BTBD7: variants seen among roughly 807,000 people sequenced by gnomAD.
BTBD7 encodes the protein BTB/POZ domain-containing protein 7.
BTBD7 carries 38 observed loss-of-function variants against 99.9 expected under a neutral mutation model. The ratio of observed to expected loss-of-function variants is 0.38; its 90% CI spans 0.29 to 0.50. The LOEUF is 0.50. BTBD7 is among the 20% of genes least tolerant of loss of function. BTBD7 has a pLI of 0.93. For synonymous variants in BTBD7, 520 were observed against 511.4 expected (o/e 1.02, Z -0.23); for missense variants, 1,170 against 1,394.6 (o/e 0.84, Z 2.57).
intron 3 of BTBD7, among the ~76,000 whole-genome samples, chr14:93,285,539 T>G (rs1391666257): frequency 6.6e-6 from 1 of 152,192 alleles, no homozygotes; most frequent in Admixed American, 6.5e-5. Context: ...GTGCTAATTC[T>G]GGGGTATTTT....
intron 1 of BTBD7, among the ~76,000 whole-genome samples, chr14:93,320,467 C>T (rs1212137827): frequency 1.3e-5 from 2 of 152,030 alleles, no homozygotes; most frequent in Non-Finnish European, 2.9e-5. Flanking sequence ...GTTGAGAAGC[C>T]CTGTAATAGA....
chr14:93,310,637 C>T (rs1461610182), intron 1 of BTBD7, among the ~76,000 whole-genome samples: 1 of 151,896 alleles, frequency 6.6e-6, no homozygotes, highest in African/African-American at 2.4e-5. Context: ...CCCAGGTACT[C>T]GGGGGCTGAG....
At chr14:93,313,008 T>C (rs1202303534) in intron 1 of BTBD7, among the ~76,000 whole-genome samples, 1 of 152,206 alleles carries the variant, frequency 6.6e-6, no homozygotes, top group African/African-American at 2.4e-5. Context: ...CAGGGAGATC[T>C]GGCACAGCAC....
chr14:93,297,401 T>G (rs1451960148), intron 1 of BTBD7, among the ~76,000 whole-genome samples: 3 of 152,192 alleles, frequency 2.0e-5, no homozygotes, highest in Admixed American at 2.0e-4. Context: ...CGGCTCACTT[T>G]AACCTCTGTC....
chr14:93,316,616 G>A (rs1163434025), intron 1 of BTBD7, among the ~76,000 whole-genome samples: 2 of 152,090 alleles, frequency 1.3e-5, no homozygotes, highest in Non-Finnish European at 2.9e-5. Context: ...TATAAGGTCA[G>A]GGTTTTTCTT....
chr14:93,296,093 A>C lies in BTBD7; in HGVS notation c.-42T>G. On this transcript the variant is annotated 5_prime_UTR_variant, in exon 2 of 11. Transcript: ENST00000334746. Reference sequence around the variant, plus strand: ...GGCATTCCGTCTGCGGGTTCTTCAGAGTATAATCCCAGAGGCCTTTATGAA... The same window carrying C: ...GGCATTCCGTCTGCGGGTTCTTCAGCGTATAATCCCAGAGGCCTTTATGAA... The C allele has an allele frequency of 6.2e-7, 1 of 1,605,844 alleles. No homozygotes were observed. The highest frequency in any genetic ancestry group is 8.5e-7 in the Non-Finnish European group (1 of 1,176,060).
intron 3 of BTBD7, among the ~76,000 whole-genome samples, chr14:93,268,808 G>A (rs959372139): frequency 1.3e-5 from 2 of 148,400 alleles, no homozygotes; most frequent in East Asian, 3.9e-4. Context: ...GCCCAGGCTG[G>A]AGTGCAGCAG....
At chr14:93,293,406 T>C (rs2139766362) in intron 3 of BTBD7, among the ~76,000 whole-genome samples, 1 of 152,382 alleles carries the variant, frequency 6.6e-6, no homozygotes, top group South Asian at 2.1e-4. Flanking sequence ...TGCCCAATTC[T>C]GATTCAACTA....
chr14:93,242,461 T>G lies in BTBD7; in HGVS notation c.3211A>C (p.Asn1071His). 6.2e-7 allele frequency: 1 copy of G among 1,614,202 alleles called. No individual in the cohort carries two copies. The highest frequency in any genetic ancestry group is 8.5e-7 in the Non-Finnish European group (1 of 1,180,034). ...CTACATGCAGAAAGTGAAGGTCTGT[T>G]AGGAGTCAGCCCAAAAGTCAAGTCA... The part of the protein sequence containing the change: ...ETDLTFGLTP[N>H]RPSLSACSSE... Residue 1071 changes from asparagine (N) to histidine (H), a missense_variant, in exon 11 of 11, where the codon AAC (asparagine) becomes CAC (histidine). Physicochemically the swap from Asn to His is moderately conservative, Grantham distance 68. Coordinates refer to ENST00000334746, the MANE Select transcript of BTBD7 (RefSeq NM_001002860.4).
chr14:93,295,689 T>C lies in BTBD7; in HGVS notation c.82+281A>G, dbSNP rs115817734. ...TAAATGAAATGGGACACAGGAAATA[T>C]GTACTTCGCTGTTTTAACACCAATG... On this transcript the variant is annotated intron_variant, in intron 2 of 10. Coordinates refer to ENST00000334746, the MANE Select transcript of BTBD7 (RefSeq NM_001002860.4). Among the ~76,000 whole-genome samples the C allele has an allele frequency of 5.5e-3, 834 of 152,304 alleles. 12 individuals carry two copies. The highest frequency in any genetic ancestry group is 0.051 in the Middle Eastern group (15 of 294).
Position 93,237,936 on chromosome 14 carries a change from T to C in BTBD7, c.*4337A>G, listed in dbSNP as rs546678175. 2.0e-5 allele frequency: 3 copies of C among 152,706 alleles called. No homozygotes were observed. In the East Asian group the frequency reaches 5.8e-4, roughly 29 times the overall value. The allele number at this position is 152,706 out of a possible 1,614,324, so 9.5% of individuals were successfully genotyped here. A position where few individuals can be genotyped will look rare whatever the true frequency, so the allele number is the denominator to read the frequency against. ...CACAACCACAAGAAACGCAGTGTTG[T>C]AGATGATTTTCCACCTCTCTGAAGT... On this transcript the variant is annotated 3_prime_UTR_variant, in exon 11 of 11. Transcript: ENST00000334746.
rs150538514 is a variant in BTBD7, at chr14:93,299,138, G to C, written c.-106-2981C>G. ...TGGGGGAGGCAGATTTCCTGGATGA[G>C]ATGTAACCCTTGAGTCTACCCTGTG... On this transcript the variant is annotated intron_variant, in intron 1 of 10. Transcript: ENST00000334746. Among the ~76,000 whole-genome samples, 323 of 152,278 alleles carry C rather than the reference G, an allele frequency of 2.1e-3. 3 individuals are homozygous for C. Among genetic ancestry groups the C allele is most frequent in the African/African-American group, 7.4e-3 (309 of 41,560 alleles).
At position 93,305,306 on chromosome 14, in the gene BTBD7, G is replaced by A. The variant is rs576098819; in HGVS notation, c.-106-9149C>T. Among the ~76,000 whole-genome samples the A allele has an allele frequency of 5.9e-5, 9 of 152,290 alleles. No individual in the cohort carries two copies. The East Asian group carries it at 1.2e-3, about 20-fold the overall frequency. On this transcript the variant is annotated intron_variant, in intron 1 of 10. Coordinates refer to ENST00000334746, the MANE Select transcript of BTBD7 (RefSeq NM_001002860.4). ...CTATTTAAAGAATCTTTGTTGGCAT[G>A]TTAAGTGAAAAATGTGTTCCTCCTA...
chr14:93,268,324 C>A (rs1049335007), intron 3 of BTBD7, among the ~76,000 whole-genome samples: 4 of 152,180 alleles, frequency 2.6e-5, no homozygotes, highest in African/African-American at 9.7e-5. Context: ...TTGTCTGTAA[C>A]AGCACAAAAC....
At position 93,256,247 on chromosome 14, in the gene BTBD7, T is replaced by C. The variant is rs550049215; in HGVS notation, c.1608+948A>G. Reference sequence around the variant, plus strand: ...TTGACTTGTGATAGTTCGTTTATTATTATGTTTTGTTTTTTTTCCAGAAGA... The same window carrying C: ...TTGACTTGTGATAGTTCGTTTATTACTATGTTTTGTTTTTTTTCCAGAAGA... On this transcript the variant is annotated intron_variant, in intron 6 of 10. Transcript: ENST00000334746. The C allele has an allele frequency of 2.6e-5, 4 of 152,324 alleles. No individual in the cohort carries two copies. In the South Asian group the frequency reaches 8.3e-4, roughly 32 times the overall value. The allele number at this position is 152,324 out of a possible 1,614,324, so 9.4% of individuals were successfully genotyped here.
At chr14:93,254,246 A>G (rs2052404303) in intron 6 of BTBD7, among the ~76,000 whole-genome samples, 1 of 152,174 alleles carries the variant, frequency 6.6e-6, no homozygotes, top group Non-Finnish European at 1.5e-5. Context: ...GAAATACCTC[A>G]AATTTTTAAT....
At position 93,269,608 on chromosome 14, in the gene BTBD7, C is replaced by T. The variant is rs140346902; in HGVS notation, c.1163-5615G>A. Reference sequence around the variant, plus strand: ...ACTTTGCAAACTATCGCGAGTCATGCTACAGTTTTTTCTTTCTTTTTAAAT... The same window carrying T: ...ACTTTGCAAACTATCGCGAGTCATGTTACAGTTTTTTCTTTCTTTTTAAAT... On this transcript the variant is annotated intron_variant, in intron 3 of 10. Transcript: ENST00000334746. 7.2e-5 allele frequency among the ~76,000 whole-genome samples: 11 copies of T among 152,280 alleles called. No homozygotes were observed. In the East Asian group the frequency reaches 2.1e-3, roughly 29 times the overall value.
chr14:93,286,705 C>T (rs542745123), intron 3 of BTBD7, among the ~76,000 whole-genome samples: 11 of 152,298 alleles, frequency 7.2e-5, no homozygotes, highest in Admixed American at 2.6e-4. Context: ...GTTACAGCTT[C>T]GTGACTTCCA....
At chr14:93,331,977 T>G (rs1363791128) in intron 1 of BTBD7, among the ~76,000 whole-genome samples, 1 of 151,268 alleles carries the variant, frequency 6.6e-6, no homozygotes, top group Non-Finnish European at 1.5e-5. Flanking sequence ...GAGTTAACAG[T>G]GCTCTGGTGT....
Sources: gnomAD v4.1 joint callset for allele counts (sites outside exome capture counted in the v4.1 genomes callset) on GRCh38, gnomAD v4.1.1 for gene constraint, MANE v1.5 for transcripts, NCBI Gene and HGNC (gene_info 2026-07-23, HGNC 2026-07-21) for gene names.